The following ZNF786 variants were observed in gnomAD, a reference collection of about 807,000 sequenced individuals.
ZNF786 encodes the protein zinc finger protein 786.
A neutral mutation model predicts 63.1 loss-of-function variants in ZNF786; 56 were observed. The ratio of observed to expected loss-of-function variants is 0.89; its 90% confidence interval spans 0.72 to 1.11. ZNF786 has a LOEUF of 1.11. ZNF786 is among the 50% of genes least tolerant of loss of function. The pLI is 0.00. For missense variants in ZNF786, 1,213 were observed against 1,041.8 expected (o/e 1.16, Z -2.26); for synonymous variants, 485 against 406.9 (o/e 1.19, Z -2.31).
chr7:149,080,841 TC>T, intron 1 of ZNF786, 124 bp from the exon 2 acceptor site: 11 of 1,166,022 alleles, frequency 9.4e-6, no homozygotes, highest in East Asian at 2.4e-5. Context: ...AGCAGCTTCT[TC>T]CTGGAGAACT....
chr7:149,071,863 C>G lies in ZNF786; in HGVS notation c.909G>C (p.Lys303Asn). The G allele has an allele frequency of 6.3e-7, 1 of 1,599,350 alleles. No homozygotes were observed. Among genetic ancestry groups the G allele is most frequent in the African/African-American group, 1.3e-5 (1 of 74,962 alleles). ...EKPAQCTPCG[K>N]RSLPVDSTQA... ...GCGTGCTGTCCACTGGGAGGGAGCG[C>G]TTGCCGCATGGGGTGCACTGGGCAG... is the stretch of plus-strand genomic sequence containing the variant. Residue 303 changes from lysine (K) to asparagine (N), a missense_variant, in exon 4 of 4, where the codon AAG (lysine) becomes AAC (asparagine). By Grantham distance (94) the Lys-to-Asn change is moderately conservative (BLOSUM62 0). Coordinates refer to ENST00000491431, the MANE Select transcript of ZNF786 (RefSeq NM_152411.4).
chr7:149,072,067 C>T lies in ZNF786; in HGVS notation c.705G>A (p.Arg235=), dbSNP rs531150990. Residue 235 remains arginine, a synonymous_variant, in exon 4 of 4, where the codon CGG becomes CGA. Transcript: ENST00000491431. ...CGCCACACCGGAAGTGCCTCTGTAC[C>T]CGAGGGCTGCTCCACGGCATCTGCG... ...AETQMPWSSP[R]VQRHFRCGVC... 9 of 1,613,232 alleles carry T rather than the reference C, an allele frequency of 5.6e-6. No individual in the cohort carries two copies. The South Asian group carries it at 7.7e-5, about 14-fold the overall frequency.
chr7:149,074,075 G>A (rs1415171831), intron 3 of ZNF786, among the ~76,000 whole-genome samples: 4 of 151,552 alleles, frequency 2.6e-5, no homozygotes, highest in Non-Finnish European at 5.9e-5. Flanking sequence ...TTACAGGCCT[G>A]AGCCACCATG....
rs1280095649 is a variant in ZNF786 at position 149,071,171 on chromosome 7, TC to T, written c.1600del (p.Glu534ArgfsTer7). 6.2e-7 allele frequency: 1 copy of T among 1,612,264 alleles called. No homozygotes were observed. Among genetic ancestry groups the T allele is most frequent in the Non-Finnish European group, 8.5e-7 (1 of 1,179,352 alleles). ...LREHLRVHSGERPFQCLKCDK... is the reference protein window; with the variant it reads ...LREHLRVHSGXRPFQCLKCDK... ...GCACTTCAGGCACTGGAAGGGCCTC[TC>T]CCCGCTGTGCACTCTCAGGTGCTCA... On this transcript the variant is annotated frameshift_variant, in exon 4 of 4. Coordinates refer to ENST00000491431, the MANE Select transcript of ZNF786 (RefSeq NM_152411.4). LOFTEE classifies it high-confidence loss of function.
chr7:149,081,435 C>CAAAAAA (rs749538585), intron 1 of ZNF786, among the ~76,000 whole-genome samples: 4 of 46,226 alleles, frequency 8.7e-5, no homozygotes, highest in African/African-American at 1.4e-4. Context: ...GACTCGGTCT[C>CAAAAAA]AAAAAAAAAA....
chr7:149,074,623 G>A (rs1825509902), intron 2 of ZNF786, 85 bp from the exon 3 acceptor site: 4 of 1,434,120 alleles, frequency 2.8e-6, no homozygotes, highest in Non-Finnish European at 3.7e-6. Flanking sequence ...TTCACTCCTG[G>A]GACAAAGTAT....
In ZNF786 at chr7:149,090,664, C is replaced by T. The variant is rs1247131728; in HGVS notation, c.-24G>A. The T allele has an allele frequency of 1.3e-6, 2 of 1,580,358 alleles. No homozygotes were observed. Among genetic ancestry groups the T allele is most frequent in the African/African-American group, 1.4e-5 (1 of 72,792 alleles). ...ATGGTCCCCGCGGTCCCGCCCGGCCCTGGCAAACCCGACCGTCTCCGGCGG... is the reference window on the plus strand; with the variant it reads ...ATGGTCCCCGCGGTCCCGCCCGGCCTTGGCAAACCCGACCGTCTCCGGCGG... On this transcript the variant is annotated 5_prime_UTR_variant, in exon 1 of 4. Coordinates refer to ENST00000491431, the MANE Select transcript of ZNF786 (RefSeq NM_152411.4).
At position 149,072,058 on chromosome 7, in the gene ZNF786, C is replaced by A. The variant is rs1281038085; in HGVS notation, c.714G>T (p.Arg238Ser). The change falls in exon 4 of 4, where the codon AGG (arginine) becomes AGT (serine). Residue 238 changes from arginine to serine, a missense_variant. Physicochemically the swap from Arg to Ser is moderately radical, Grantham distance 110 (BLOSUM62 -1). Coordinates refer to ENST00000491431, the MANE Select transcript of ZNF786 (RefSeq NM_152411.4). The stretch of plus-strand genomic sequence containing the variant: ...TACCGCACACGCCACACCGGAAGTG[C>A]CTCTGTACCCGAGGGCTGCTCCACG... ...QMPWSSPRVQ[R>S]HFRCGVCGKS... 1 of 1,613,108 alleles carries A rather than the reference C, an allele frequency of 6.2e-7. No individual in the cohort carries two copies. The highest frequency in any genetic ancestry group is 8.5e-7 in the Non-Finnish European group (1 of 1,179,734).
chr7:149,082,697 C>T (rs374856580), intron 1 of ZNF786, among the ~76,000 whole-genome samples: 35 of 151,732 alleles, frequency 2.3e-4, no homozygotes, highest in Middle Eastern at 3.2e-3. Context: ...TCTCCTGCCT[C>T]AGCCTCCTGA....
intron 2 of ZNF786, among the ~76,000 whole-genome samples, chr7:149,076,719 G>GAAA (rs71192749): frequency 7.0e-5 from 9 of 127,698 alleles, no homozygotes; most frequent in Non-Finnish European, 1.3e-4. Context: ...ACTCCATCTT[G>GAAA]AAAAAAAAAA....
chr7:149,075,655 GTTTTT>G (rs1165713050), intron 2 of ZNF786, among the ~76,000 whole-genome samples: 2 of 69,468 alleles, frequency 2.9e-5, no homozygotes, highest in South Asian at 7.0e-4. Context: ...CACACTTCAG[GTTTTT>G]TTTTTTTTTT....
At chr7:149,076,631 C>T (rs1389103374) in intron 2 of ZNF786, among the ~76,000 whole-genome samples, 3 of 149,092 alleles carry the variant, frequency 2.0e-5, no homozygotes, top group African/African-American at 7.4e-5. Context: ...AGGCAGGAGA[C>T]TTGCTTGAAC....
intron 1 of ZNF786, among the ~76,000 whole-genome samples, chr7:149,084,584 C>T (rs987678040): frequency 6.6e-6 from 1 of 152,086 alleles, no homozygotes; most frequent in Non-Finnish European, 1.5e-5. Flanking sequence ...GCTTGTTGGC[C>T]ATGTATATGT....
intron 1 of ZNF786, chr7:149,081,159 C>G: frequency 2.2e-6 from 1 of 456,210 alleles, no homozygotes; most frequent in Non-Finnish European, 4.4e-6. Flanking sequence ...AGTATTCAGC[C>G]AGGCGCAGTG....
At chr7:149,074,050 C>A (rs1825496778) in intron 3 of ZNF786, among the ~76,000 whole-genome samples, 1 of 151,786 alleles carries the variant, frequency 6.6e-6, no homozygotes, top group Non-Finnish European at 1.5e-5. Flanking sequence ...GCCTCGGCCA[C>A]CCAAAGTGCT....
In ZNF786 at chr7:149,071,968, G is replaced by A. The variant is rs761698118; in HGVS notation, c.804C>T (p.Phe268=). 7 of 1,612,232 alleles carry A rather than the reference G, an allele frequency of 4.3e-6. No homozygotes were observed. The highest frequency in any genetic ancestry group is 1.1e-5 in the South Asian group (1 of 91,082). Residue 268 remains phenylalanine (F), a synonymous_variant, in exon 4 of 4, where the codon TTC becomes TTT. Coordinates refer to ENST00000491431, the MANE Select transcript of ZNF786 (RefSeq NM_152411.4). Reference sequence around the variant, plus strand: ...AGCACATTTCACCGTCAGCGTTCCGGAAGGGGCCCCTCCCCGTGTGGGCCG... The same window carrying A: ...AGCACATTTCACCGTCAGCGTTCCGAAAGGGGCCCCTCCCCGTGTGGGCCG... The part of the protein sequence containing the change: ...HLAAHTGRGP[F]RNADGEMCFR...
In ZNF786 at chr7:149,071,009, C is replaced by T. The variant is rs1825400188; in HGVS notation, c.1763G>A (p.Ser588Asn). The T allele has an allele frequency of 1.2e-6, 2 of 1,612,848 alleles. No homozygotes were observed. Among genetic ancestry groups the T allele is most frequent in the Non-Finnish European group, 1.7e-6 (2 of 1,179,928 alleles). Residue 588 changes from serine (S) to asparagine (N), a missense_variant, in exon 4 of 4, where the codon AGC (serine) becomes AAC (asparagine). Ser to Asn is a conservative substitution (Grantham distance 46). Coordinates refer to ENST00000491431, the MANE Select transcript of ZNF786 (RefSeq NM_152411.4). Reference sequence around the variant, plus strand: ...TGGGCACTGGAAGGGTCTCTCCCCGCTGTGCACGCGCAAGTGCTCCGTGAG... The same window carrying T: ...TGGGCACTGGAAGGGTCTCTCCCCGTTGTGCACGCGCAAGTGCTCCGTGAG... ...SKLTEHLRVH[S>N]GERPFQCPEC... is the part of the protein sequence containing the mutation.
At position 149,070,313 on chromosome 7, in the gene ZNF786, A is replaced by G. The variant is rs542172957; in HGVS notation, c.*110T>C. On this transcript the variant is annotated 3_prime_UTR_variant, in exon 4 of 4. Transcript: ENST00000491431. ...CTAACTTGCATGACACTCTTGCTCA[A>G]AGAAGGATACCTGCTCCTAAAACCC... The G allele has an allele frequency of 6.9e-7, 1 of 1,440,018 alleles. No individual in the cohort carries two copies. Among genetic ancestry groups the G allele is most frequent in the African/African-American group, 1.4e-5 (1 of 70,420 alleles). 89.2% of individuals were successfully genotyped at this position (1,440,018 alleles called of 1,614,324 possible).
At chr7:149,080,897 ACATC>A (rs1378071894) in intron 1 of ZNF786, among the ~76,000 whole-genome samples, 180 bp from the exon 2 acceptor site, 1 of 152,212 alleles carries the variant, frequency 6.6e-6, no homozygotes, top group Non-Finnish European at 1.5e-5. Flanking sequence ...GTTAACCACT[ACATC>A]CCCCGCTCCA....
Sources: allele counts gnomAD v4.1 joint callset (sites outside exome capture counted in the v4.1 genomes callset), GRCh38; gene constraint gnomAD v4.1.1; transcripts MANE v1.5; gene names NCBI Gene and HGNC (gene_info 2026-07-23, HGNC 2026-07-21).